The following SUSD3 variants were observed in gnomAD, a reference collection of about 807,000 sequenced individuals.
SUSD3 encodes the protein sushi domain containing 3.
Under a neutral mutation model 20.6 loss-of-function variants are expected in SUSD3, and 18 were observed. The observed-to-expected ratio is 0.87, with a 90% confidence interval of 0.60 to 1.30. The LOEUF is 1.30. Among genes scored for constraint, SUSD3 ranks in the 50% most tolerant of loss-of-function variants. The pLI is 0.00. For synonymous variants in SUSD3, 137 were observed against 141.5 expected, an observed-to-expected ratio of 0.97 and a Z score of 0.23; for missense variants, 306 against 346.9, an observed-to-expected ratio of 0.88 and a Z score of 0.94.
chr9:93,071,860 G>T (rs1389021896), intron 1 of SUSD3, among the ~76,000 whole-genome samples: 2 of 152,136 alleles, frequency 1.3e-5, no homozygotes, highest in Non-Finnish European at 2.9e-5. Context: ...CCAGGGGTGG[G>T]AACTAGAGTT....
intron 1 of SUSD3, among the ~76,000 whole-genome samples, chr9:93,061,029 G>A (rs758362379): frequency 6.6e-6 from 1 of 152,234 alleles, no homozygotes; most frequent in Non-Finnish European, 1.5e-5. Context: ...AGGGCAGGGC[G>A]CGGGGGAGAC....
intron 1 of SUSD3, 31 bp from the exon 2 acceptor site, chr9:93,075,753 C>CCCCCCCCCCCTA: frequency 3.0e-6 from 1 of 334,096 alleles, no homozygotes; most frequent in Non-Finnish European, 5.2e-6. Flanking sequence ...CCCCCCCCCC[C>CCCCCCCCCCCTA]GCCATGCCTC....
At chr9:93,065,701 G>A (rs1740934062) in intron 1 of SUSD3, among the ~76,000 whole-genome samples, 1 of 152,240 alleles carries the variant, frequency 6.6e-6, no homozygotes, top group South Asian at 2.1e-4. Flanking sequence ...CAGATCCCAA[G>A]ATCCTGAAAA....
Position 93,084,647 on chromosome 9 carries a change from C to G in SUSD3, c.668C>G (p.Ala223Gly), listed in dbSNP as rs780328606. Residue 223 changes from alanine (A) to glycine (G), a missense_variant, in exon 5 of 5, where the codon GCC (alanine) becomes GGC (glycine). Transcript: ENST00000375472. ...AGTGGCTCCTCCAGCTCACCCCAAGCCCAGGTGATGGTGCACATGGCAAAC... is the reference window on the plus strand; with the variant it reads ...AGTGGCTCCTCCAGCTCACCCCAAGGCCAGGTGATGGTGCACATGGCAAAC... ...SLSGSSSSPQ[A>G]QVMVHMANPR... The G allele has an allele frequency of 6.2e-7, 1 of 1,609,198 alleles. No individual in the cohort carries two copies. Among genetic ancestry groups the G allele is most frequent in the South Asian group, 1.1e-5 (1 of 89,968 alleles).
At chr9:93,062,270 C>T (rs1295315732) in intron 1 of SUSD3, among the ~76,000 whole-genome samples, 1 of 152,210 alleles carries the variant, frequency 6.6e-6, no homozygotes, top group African/African-American at 2.4e-5. Flanking sequence ...TGCCCCTGAG[C>T]CGTGGGAGGG....
chr9:93,084,817 C>T lies in SUSD3; in HGVS notation c.*70C>T, dbSNP rs1303177329. The T allele has an allele frequency of 7.5e-7, 1 of 1,329,334 alleles. No individual in the cohort carries two copies. The highest frequency in any genetic ancestry group is 1.5e-5 in the African/African-American group (1 of 66,842). The allele number at this position is 1,329,334 out of a possible 1,614,324, so 82.3% of individuals were successfully genotyped here. A position where few individuals can be genotyped will look rare whatever the true frequency, so the allele number is the denominator to read the frequency against. On this transcript the variant is annotated 3_prime_UTR_variant, in exon 5 of 5. Transcript: ENST00000375472. ...GCTGACCCCACCAGCCAGTCAGCTA[C>T]AACTCCACATCAACTCCACATGCGC...
chr9:93,081,113 C>G (rs1265805513), intron 4 of SUSD3, among the ~76,000 whole-genome samples: 1 of 152,198 alleles, frequency 6.6e-6, no homozygotes, highest in Non-Finnish European at 1.5e-5. Flanking sequence ...AGTAGGAGCT[C>G]TGCCAAGCCA....
chr9:93,073,975 T>TG (rs1288333182), intron 1 of SUSD3, among the ~76,000 whole-genome samples: 2 of 152,204 alleles, frequency 1.3e-5, no homozygotes, highest in African/African-American at 4.8e-5. Flanking sequence ...CATCTGTCGA[T>TG]GGGGATAATG....
intron 1 of SUSD3, 39 bp from the exon 2 acceptor site, chr9:93,075,745 C>CCCCCCCCCCCCCCCCCCCCCCT: frequency 5.6e-6 from 1 of 177,996 alleles, no homozygotes; most frequent in South Asian, 5.5e-5. Context: ...TGCCCACCCC[C>CCCCCCCCCCCCCCCCCCCCCCT]CCCCCCCCGC....
chr9:93,078,141 C>A, intron 3 of SUSD3, 148 bp downstream of exon 3: 1 of 1,135,320 alleles, frequency 8.8e-7, no homozygotes, highest in Non-Finnish European at 1.2e-6. Flanking sequence ...TGCGTCTCCC[C>A]CCCAAGTGCT....
At chr9:93,065,714 C>A (rs1393133186) in intron 1 of SUSD3, among the ~76,000 whole-genome samples, 1 of 152,252 alleles carries the variant, frequency 6.6e-6, no homozygotes, top group Non-Finnish European at 1.5e-5. Flanking sequence ...CCTGAAAAAG[C>A]AAAGTGGTCC....
intron 1 of SUSD3, chr9:93,069,091 T>C (rs1171675810): frequency 1.4e-6 from 1 of 702,588 alleles, no homozygotes; most frequent in Non-Finnish European, 2.6e-6. Context: ...CATGATGAGA[T>C]GAAGTGAGAT....
At chr9:93,060,731 G>A (rs1825472126) in intron 1 of SUSD3, among the ~76,000 whole-genome samples, 1 of 152,166 alleles carries the variant, frequency 6.6e-6, no homozygotes, top group African/African-American at 2.4e-5. Context: ...AGCTATTCGG[G>A]AGGCTGAAAG....
intron 1 of SUSD3, among the ~76,000 whole-genome samples, chr9:93,072,726 G>T (rs1470327191): frequency 6.6e-6 from 1 of 152,216 alleles, no homozygotes; most frequent in Non-Finnish European, 1.5e-5. Context: ...TCTGGGGGAT[G>T]GTATGCAGCC....
At chr9:93,082,870 C>G (rs9696357) in intron 4 of SUSD3, among the ~76,000 whole-genome samples, 1 of 152,102 alleles carries the variant, frequency 6.6e-6, no homozygotes, top group Non-Finnish European at 1.5e-5. Flanking sequence ...CTGCCGCTGC[C>G]GCAGGGGCTT....
At chr9:93,081,358 C>T (rs759766217) in intron 4 of SUSD3, among the ~76,000 whole-genome samples, 26 of 152,146 alleles carry the variant, frequency 1.7e-4, no homozygotes, top group Non-Finnish European at 3.4e-4. Flanking sequence ...TGGAGTCTTT[C>T]GAGGCTGCAG....
Position 93,077,961 on chromosome 9 carries a change from C to A in SUSD3, c.393C>A (p.Cys131Ter). Reference protein sequence around the residue: ...MAFLTCCLLKCVKKSKRRRSN... With the variant: ...MAFLTCCLLK ...TCCTCACCTGCTGCCTCCTCAAGTGCGTGAAGAAGAGCAAGCGGCGGCGCT... is the reference window on the plus strand; with the variant it reads ...TCCTCACCTGCTGCCTCCTCAAGTGAGTGAAGAAGAGCAAGCGGCGGCGCT... The change falls in exon 3 of 5, where the codon TGC becomes TGA. Residue 131 changes from cysteine (C) to a stop codon, truncating the protein, a stop_gained. Transcript: ENST00000375472. LOFTEE classifies it high-confidence loss of function. The A allele has an allele frequency of 6.2e-7, 1 of 1,614,212 alleles. No individual in the cohort carries two copies. Among genetic ancestry groups the A allele is most frequent in the Non-Finnish European group, 8.5e-7 (1 of 1,180,046 alleles).
intron 1 of SUSD3, among the ~76,000 whole-genome samples, chr9:93,059,657 TG>T (rs1331539556): frequency 6.6e-6 from 1 of 152,096 alleles, no homozygotes; most frequent in Non-Finnish European, 1.5e-5. Context: ...TCTCAGGCGT[TG>T]CGGGGCTAAG....
Position 93,084,683 on chromosome 9 carries a change from C to T in SUSD3, c.704C>T (p.Pro235Leu). 1 of 1,604,690 alleles carries T rather than the reference C, an allele frequency of 6.2e-7. No homozygotes were observed. The highest frequency in any genetic ancestry group is 8.5e-7 in the Non-Finnish European group (1 of 1,175,360). Residue 235 changes from proline to leucine, a missense_variant, in exon 5 of 5, where the codon CCC becomes CTC. Coordinates refer to ENST00000375472, the MANE Select transcript of SUSD3 (RefSeq NM_145006.4). ...VMVHMANPRQ[P>L]LPASGLATGM... Reference sequence around the variant, plus strand: ...GTGCACATGGCAAACCCCAGACAGCCCCTGCCTGCCTCTGGGCTGGCCACA... The same window carrying T: ...GTGCACATGGCAAACCCCAGACAGCTCCTGCCTGCCTCTGGGCTGGCCACA...
Sources: allele counts gnomAD v4.1 joint callset (sites outside exome capture counted in the v4.1 genomes callset), GRCh38; gene constraint gnomAD v4.1.1; transcripts MANE v1.5; gene names NCBI Gene and HGNC (gene_info 2026-07-23, HGNC 2026-07-21).